PCDHA1: variants seen among roughly 807,000 people sequenced by gnomAD.
PCDHA1 encodes protocadherin alpha-1.
In PCDHA1, 42 loss-of-function variants were observed where a neutral mutation model predicts 61.3. The ratio of observed to expected loss-of-function variants is 0.69; its 90% CI spans 0.54 to 0.89. The LOEUF (loss-of-function observed/expected upper bound fraction) is 0.89. PCDHA1 is among the 40% of genes least tolerant of loss of function. The pLI is 0.00. For missense variants in PCDHA1, 1,256 were observed against 1,235.3 expected, an observed-to-expected ratio of 1.02 and a Z score of -0.25; for synonymous variants, 610 against 553.8, an observed-to-expected ratio of 1.10 and a Z score of -1.43.
chr5:140,871,290 C>A (rs1554165387), intron 1 of PCDHA1: 2 of 1,613,900 alleles, frequency 1.2e-6, no homozygotes, highest in Non-Finnish European at 1.7e-6. Context: ...CCACTGAGGG[C>A]GCGTGCGCGC....
intron 1 of PCDHA1, chr5:140,928,185 C>CA: frequency 1.2e-6 from 2 of 1,614,184 alleles, no homozygotes; most frequent in Non-Finnish European, 1.7e-6. Context: ...GAAGGACAAT[C>CA]ACTGTGTCAG....
intron 1 of PCDHA1, chr5:140,835,523 A>C: frequency 6.2e-7 from 1 of 1,613,916 alleles, no homozygotes; most frequent in Non-Finnish European, 8.5e-7. Context: ...GAGATTTTGG[A>C]GTCAACGGAC....
chr5:140,819,709 A>G (rs2150054370), intron 1 of PCDHA1, among the ~76,000 whole-genome samples: 1 of 152,246 alleles, frequency 6.6e-6, no homozygotes, highest in Non-Finnish European at 1.5e-5. Context: ...TTAAAAAGTA[A>G]ATATAATTTA....
chr5:140,803,127 C>T lies in PCDHA1; in HGVS notation c.2394+14443C>T, dbSNP rs386352345. ...TGCCCTGGACGAGGTGGACGCCCCG[C>T]GCCATCGCCTACTGGTGCTGGTGAA... is the stretch of plus-strand genomic sequence containing the variant. On this transcript the variant is annotated intron_variant, in intron 1 of 3. Transcript: ENST00000504120. 1.2e-6 allele frequency: 2 copies of T among 1,613,838 alleles called. No individual in the cohort carries two copies. Among genetic ancestry groups the T allele is most frequent in the African/African-American group, 1.3e-5 (1 of 75,068 alleles).
In PCDHA1 at chr5:140,835,884, G is replaced by A. The variant is rs2150247452; in HGVS notation, c.2394+47200G>A. 3.7e-6 allele frequency: 6 copies of A among 1,611,966 alleles called. 1 individual carries two copies. The highest frequency in any genetic ancestry group is 2.2e-5 in the East Asian group (1 of 44,824). ...CTCGCTGGTGGAGCTGCGGGTGGGCGAGCGCGCGCTGTCGAGCTACGTGTC... is the reference window on the plus strand; with the variant it reads ...CTCGCTGGTGGAGCTGCGGGTGGGCAAGCGCGCGCTGTCGAGCTACGTGTC... On this transcript the variant is annotated intron_variant, in intron 1 of 3. Coordinates refer to ENST00000504120, the MANE Select transcript of PCDHA1 (RefSeq NM_018900.4).
intron 1 of PCDHA1, chr5:140,801,422 GGA>G: frequency 6.2e-7 from 1 of 1,613,854 alleles, no homozygotes; most frequent in Non-Finnish European, 8.5e-7. Flanking sequence ...GGGACCTTCT[GGA>G]GGTAAATCTG....
At chr5:140,836,290 C>A (rs2150256990) in intron 1 of PCDHA1, 1 of 1,613,742 alleles carries the variant, frequency 6.2e-7, no homozygotes, top group Non-Finnish European at 8.5e-7. Context: ...ACGACACGAG[C>A]CCTAGATGAG....
chr5:140,869,745 T>C (rs1407210744), intron 1 of PCDHA1: 3 of 1,613,220 alleles, frequency 1.9e-6, no homozygotes, highest in Non-Finnish European at 2.5e-6. Context: ...TGCTAACAGC[T>C]ACAGACGGGG....
intron 1 of PCDHA1, chr5:140,803,813 G>A: frequency 1.4e-6 from 1 of 696,392 alleles, no homozygotes; most frequent in Non-Finnish European, 2.3e-6. Context: ...ATTTTGTTTT[G>A]TTATTAGGTG....
At chr5:140,884,396 C>G in intron 1 of PCDHA1, 1 of 1,614,012 alleles carries the variant, frequency 6.2e-7, no homozygotes, top group Non-Finnish European at 8.5e-7. Flanking sequence ...GGTGTCCAGC[C>G]TGTTGGTGCT....
At chr5:140,982,312 T>C in intron 2 of PCDHA1, 163 bp from the exon 3 acceptor site, 1 of 1,315,948 alleles carries the variant, frequency 7.6e-7, no homozygotes, top group Non-Finnish European at 1.0e-6. Context: ...TTCTGCAGTT[T>C]ATGCAGGGTG....
At chr5:140,977,306 C>G (rs995052680) in intron 1 of PCDHA1, among the ~76,000 whole-genome samples, 22 of 152,268 alleles carry the variant, frequency 1.4e-4, no homozygotes, top group African/African-American at 4.8e-4. Context: ...GACAAGCTAA[C>G]GATAGTGCTC....
At chr5:140,807,509 G>A in intron 1 of PCDHA1, 3 of 1,613,908 alleles carry the variant, frequency 1.9e-6, no homozygotes, top group Non-Finnish European at 2.5e-6. Context: ...CCACCTGGAG[G>A]TGATCGTAGA....
intron 1 of PCDHA1, among the ~76,000 whole-genome samples, chr5:140,899,285 A>T (rs2067252506): frequency 6.6e-6 from 1 of 152,132 alleles, no homozygotes; most frequent in African/African-American, 2.4e-5. Context: ...CAAAGGGAAT[A>T]CTTCCAGTTT....
chr5:140,933,332 G>A (rs2089060279), intron 1 of PCDHA1, among the ~76,000 whole-genome samples: 1 of 151,968 alleles, frequency 6.6e-6, no homozygotes, highest in African/African-American at 2.4e-5. Context: ...CTGTGCTGTA[G>A]AGAAAGATAA....
intron 1 of PCDHA1, among the ~76,000 whole-genome samples, chr5:140,794,037 G>A (rs930793098): frequency 1.3e-5 from 2 of 152,178 alleles, no homozygotes; most frequent in African/African-American, 2.4e-5. Context: ...AGAATTGAAA[G>A]CAGGGTCTCA....
At chr5:140,956,551 C>T (rs995941205) in intron 1 of PCDHA1, among the ~76,000 whole-genome samples, 1 of 152,148 alleles carries the variant, frequency 6.6e-6, no homozygotes, top group Non-Finnish European at 1.5e-5. Context: ...ATTTGGTTTG[C>T]CAGTATCTTA....
chr5:140,868,170 A>G (rs926308746), intron 1 of PCDHA1: 1 of 152,132 alleles, frequency 6.6e-6, no homozygotes, highest in Non-Finnish European at 1.5e-5. Flanking sequence ...CTAAATTTTG[A>G]TATCTCATAT....
chr5:140,891,756 G>A (rs782304941), intron 1 of PCDHA1, among the ~76,000 whole-genome samples: 20 of 152,144 alleles, frequency 1.3e-4, no homozygotes, highest in Non-Finnish European at 2.5e-4. Flanking sequence ...AACAGTGTTG[G>A]GAGGTGGGGA....
Sources: gnomAD v4.1 joint callset for allele counts (sites outside exome capture counted in the v4.1 genomes callset) on GRCh38, gnomAD v4.1.1 for gene constraint, MANE v1.5 for transcripts, NCBI Gene and HGNC (gene_info 2026-07-23, HGNC 2026-07-21) for gene names.